The following CNTN3 variants were observed in gnomAD, a reference collection of about 807,000 sequenced individuals.
CNTN3 encodes the protein contactin-3.
Under a neutral mutation model 119.1 loss-of-function variants are expected in CNTN3, and 60 were observed. The observed-to-expected ratio is 0.50, with a 90% CI of 0.41 to 0.62. The LOEUF (loss-of-function observed/expected upper bound fraction) is 0.62, where lower values mean the gene tolerates loss of function less well. CNTN3 is among the 20% of genes least tolerant of loss of function. The pLI, the probability that CNTN3 is intolerant of heterozygous loss-of-function variation, is 0.00. For synonymous variants in CNTN3, 450 were observed against 438.7 expected (o/e 1.03, Z -0.32); for missense variants, 1,101 against 1,242.4 (o/e 0.89, Z 1.71).
In CNTN3 at chr3:74,525,488, A is replaced by G. The variant is rs9882053; in HGVS notation, c.-80-4296T>C. Among the ~76,000 whole-genome samples, 669 of 152,018 alleles carry G rather than the reference A, an allele frequency of 4.4e-3. 6 individuals are homozygous for G. The highest frequency in any genetic ancestry group is 0.015 in the African/African-American group (641 of 41,538). On this transcript the variant is annotated intron_variant, in intron 1 of 22. Transcript: ENST00000263665. ...GAGGTGACATATTAAAGCTCTCCCC[A>G]CTTCTGAAATCACAAAGCTAAAATA...
chr3:74,416,354 A>G (rs969355871), intron 5 of CNTN3, among the ~76,000 whole-genome samples: 1 of 152,192 alleles, frequency 6.6e-6, no homozygotes, highest in African/African-American at 2.4e-5. Flanking sequence ...CAATGATCCT[A>G]TAAGGATAGG....
At chr3:74,330,972 T>C (rs1703250950) in intron 13 of CNTN3, among the ~76,000 whole-genome samples, 1 of 152,208 alleles carries the variant, frequency 6.6e-6, no homozygotes, top group Non-Finnish European at 1.5e-5. Context: ...TCAAAAAGTC[T>C]AAAAAGGTTA....
chr3:74,455,660 A>T (rs923052291), intron 4 of CNTN3, among the ~76,000 whole-genome samples: 39 of 151,756 alleles, frequency 2.6e-4, no homozygotes, highest in Admixed American at 1.8e-3. Context: ...GATGATGGTG[A>T]TGTACAGATG....
chr3:74,475,602 T>C (rs144448663), intron 4 of CNTN3, among the ~76,000 whole-genome samples: 13 of 152,324 alleles, frequency 8.5e-5, no homozygotes, highest in Non-Finnish European at 1.8e-4. Flanking sequence ...TGGTGTAATA[T>C]AGATAGAAGG....
chr3:74,575,773 G>T (rs1297829628), intron 1 of CNTN3, among the ~76,000 whole-genome samples: 1 of 151,814 alleles, frequency 6.6e-6, no homozygotes, highest in African/African-American at 2.4e-5. Flanking sequence ...CTTAAACCAT[G>T]TGAAATTGTT....
At chr3:74,362,887 G>T (rs995171728) in intron 10 of CNTN3, among the ~76,000 whole-genome samples, 1 of 152,156 alleles carries the variant, frequency 6.6e-6, no homozygotes, top group Non-Finnish European at 1.5e-5. Flanking sequence ...ACATGTGATT[G>T]TGGTAAAGAA....
At chr3:74,383,944 C>T (rs1003658938) in intron 5 of CNTN3, among the ~76,000 whole-genome samples, 3 of 152,176 alleles carry the variant, frequency 2.0e-5, no homozygotes, top group East Asian at 1.9e-4. Context: ...TGTCCTAATT[C>T]GACTTCAAAG....
chr3:74,406,784 G>C (rs984673162), intron 5 of CNTN3, among the ~76,000 whole-genome samples: 1 of 151,650 alleles, frequency 6.6e-6, no homozygotes, highest in African/African-American at 2.4e-5. Flanking sequence ...ACATACAAAG[G>C]GAAATGGCTA....
chr3:74,381,496 G>A (rs1000395173), intron 5 of CNTN3, among the ~76,000 whole-genome samples: 10 of 152,094 alleles, frequency 6.6e-5, no homozygotes, highest in Non-Finnish European at 1.2e-4. Flanking sequence ...AGGATATGCT[G>A]GAGACTTCAT....
intron 1 of CNTN3, among the ~76,000 whole-genome samples, chr3:74,600,133 G>A (rs530910251): frequency 2.0e-4 from 31 of 152,192 alleles, no homozygotes; most frequent in African/African-American, 7.2e-4. Flanking sequence ...AGAAGAGTGG[G>A]ACAATCAAGG....
chr3:74,509,368 C>A (rs2107100331), intron 2 of CNTN3, among the ~76,000 whole-genome samples: 1 of 146,246 alleles, frequency 6.8e-6, no homozygotes, highest in Admixed American at 7.0e-5. Flanking sequence ...GGCTGGAGTG[C>A]AGTGATGCAA....
At chr3:74,319,479 C>T (rs930877531) in intron 13 of CNTN3, among the ~76,000 whole-genome samples, 2 of 152,094 alleles carry the variant, frequency 1.3e-5, no homozygotes, top group East Asian at 1.9e-4. Flanking sequence ...AAAGCTGAAA[C>T]TGGATCCCTT....
intron 10 of CNTN3, among the ~76,000 whole-genome samples, chr3:74,364,245 G>T (rs996732417): frequency 1.3e-5 from 2 of 152,040 alleles, no homozygotes; most frequent in Admixed American, 1.3e-4. Context: ...TCCTACTGTC[G>T]ATTAACTTAA....
chr3:74,580,644 A>C (rs1704489128), intron 1 of CNTN3, among the ~76,000 whole-genome samples: 1 of 152,212 alleles, frequency 6.6e-6, no homozygotes, highest in African/African-American at 2.4e-5. Flanking sequence ...CAATAGATTA[A>C]GAAAGTGATT....
chr3:74,463,752 T>C (rs1340092217), intron 4 of CNTN3, among the ~76,000 whole-genome samples: 1 of 152,166 alleles, frequency 6.6e-6, no homozygotes, highest in Non-Finnish European at 1.5e-5. Flanking sequence ...AGAGTCGGCA[T>C]GTCTTATTCA....
intron 4 of CNTN3, among the ~76,000 whole-genome samples, chr3:74,442,225 A>G (rs546616416): frequency 3.9e-5 from 6 of 151,918 alleles, no homozygotes; most frequent in Non-Finnish European, 8.8e-5. Context: ...AGTTATTTAT[A>G]CTTATGGTGG....
At chr3:74,384,531 T>C (rs60401264) in intron 5 of CNTN3, among the ~76,000 whole-genome samples, 5,311 of 152,294 alleles carry the variant, frequency 0.035, 304 homozygotes, top group African/African-American at 0.12. Context: ...TGGAGAAATA[T>C]TGAACTTTAT....
chr3:74,598,791 T>C (rs1305424775), intron 1 of CNTN3, among the ~76,000 whole-genome samples: 1 of 151,976 alleles, frequency 6.6e-6, no homozygotes, highest in Non-Finnish European at 1.5e-5. Context: ...AGTCATCAAA[T>C]ATGTATGAAA....
chr3:74,503,273 C>T (rs1393471811), intron 2 of CNTN3, among the ~76,000 whole-genome samples: 2 of 152,278 alleles, frequency 1.3e-5, no homozygotes, highest in South Asian at 4.1e-4. Flanking sequence ...GCTTTTTCAA[C>T]TTCAGTATTT....
Sources: allele counts gnomAD v4.1 joint callset (sites outside exome capture counted in the v4.1 genomes callset), GRCh38; gene constraint gnomAD v4.1.1; transcripts MANE v1.5; gene names NCBI Gene and HGNC (gene_info 2026-07-23, HGNC 2026-07-21).